The following LOC728392 variants were observed in gnomAD, a reference collection of about 807,000 sequenced individuals.
the LOC728392 span, chr17:5,500,783 C>G: frequency 2.6e-6 from 3 of 1,166,564 alleles, no homozygotes; most frequent in Non-Finnish European, 3.2e-6. The surrounding 1 kb of genome is among the most constrained non-coding windows in gnomAD (Gnocchi z 5.4). Flanking sequence ...GGCCCCCCTG[C>G]GCCCTCCCGC....
At chr17:5,500,794 C>T in the LOC728392 span, 6 of 1,157,344 alleles carry the variant, frequency 5.2e-6, no homozygotes, top group African/African-American at 8.5e-5. This position sits in a 1 kb window ranked among gnomAD's most constrained non-coding sequence, Gnocchi z 5.4. Flanking sequence ...GCCCTCCCGC[C>T]CGCGCGCCGA....
chr17:5,500,681 C>A, the LOC728392 span: 1 of 1,271,266 alleles, frequency 7.9e-7, no homozygotes, highest in Non-Finnish European at 1.0e-6. The surrounding 1 kb of genome is among the most constrained non-coding windows in gnomAD (Gnocchi z 5.4). Context: ...TGGAGAGGTG[C>A]GGAAAATGGT....
At chr17:5,500,294 C>A in the LOC728392 span, 3 of 1,000,704 alleles carry the variant, frequency 3.0e-6, no homozygotes, top group Admixed American at 6.1e-5. The surrounding 1 kb of genome is among the most constrained non-coding windows in gnomAD (Gnocchi z 5.4). Context: ...CGTGCCCCCA[C>A]GTCACAGAGT....
At chr17:5,500,733 G>C in the LOC728392 span, 19 of 1,240,004 alleles carry the variant, frequency 1.5e-5, no homozygotes, top group Non-Finnish European at 2.0e-5. This position sits in a 1 kb window ranked among gnomAD's most constrained non-coding sequence, Gnocchi z 5.4. Flanking sequence ...CTCCTTCTTG[G>C]GCGGGGGGCG....
At chr17:5,500,530 T>C in the LOC728392 span, 20 of 1,199,956 alleles carry the variant, frequency 1.7e-5, no homozygotes, top group African/African-American at 5.1e-5. The surrounding 1 kb of genome is among the most constrained non-coding windows in gnomAD (Gnocchi z 5.4). Context: ...AAACACAAAA[T>C]GCCGAGCCCC....
chr17:5,499,887 G>A, the LOC728392 span: 1 of 985,666 alleles, frequency 1.0e-6, no homozygotes, highest in South Asian at 4.7e-5. Context: ...CCAGGACGTG[G>A]TCTCCTGGTG....
the LOC728392 span, chr17:5,500,764 G>C: frequency 5.0e-6 from 6 of 1,204,444 alleles, no homozygotes; most frequent in East Asian, 4.9e-4. The surrounding 1 kb of genome is among the most constrained non-coding windows in gnomAD (Gnocchi z 5.4). Context: ...TTCGGGGGCT[G>C]CCCGGCGCGG....
the LOC728392 span, chr17:5,499,802 C>G: frequency 1.0e-6 from 1 of 986,066 alleles, no homozygotes; most frequent in Non-Finnish European, 1.2e-6. Flanking sequence ...GAGTCTCATC[C>G]TCAGGAGTGC....
the LOC728392 span, chr17:5,500,438 A>C: frequency 8.8e-7 from 1 of 1,135,152 alleles, no homozygotes; most frequent in Non-Finnish European, 1.1e-6. The surrounding 1 kb of genome is among the most constrained non-coding windows in gnomAD (Gnocchi z 5.4). Flanking sequence ...GTACTTTCGT[A>C]CTGATAGACA....
chr17:5,500,420 G>A, the LOC728392 span: 1 of 1,106,628 alleles, frequency 9.0e-7, no homozygotes, highest in Non-Finnish European at 1.1e-6. This position sits in a 1 kb window ranked among gnomAD's most constrained non-coding sequence, Gnocchi z 5.4. Flanking sequence ...ATTGCCGGCA[G>A]CTACTTTGTA....
chr17:5,499,830 G>T, the LOC728392 span: 1 of 985,950 alleles, frequency 1.0e-6, no homozygotes, highest in South Asian at 4.7e-5. Flanking sequence ...CTGGGCCTGC[G>T]TGCCGGCGGG....
chr17:5,500,758 G>C, the LOC728392 span: 1 of 1,218,486 alleles, frequency 8.2e-7, no homozygotes, highest in Non-Finnish European at 1.0e-6. The surrounding 1 kb of genome is among the most constrained non-coding windows in gnomAD (Gnocchi z 5.4). Context: ...GCGGCCTTCG[G>C]GGGCTGCCCG....
the LOC728392 span, chr17:5,500,436 G>C: frequency 8.8e-7 from 1 of 1,132,516 alleles, no homozygotes; most frequent in Non-Finnish European, 1.1e-6. The surrounding 1 kb of genome is among the most constrained non-coding windows in gnomAD (Gnocchi z 5.4). Flanking sequence ...TTGTACTTTC[G>C]TACTGATAGA....
chr17:5,500,207 G>T, the LOC728392 span: 1 of 989,546 alleles, frequency 1.0e-6, no homozygotes, highest in Non-Finnish European at 1.2e-6. This position sits in a 1 kb window ranked among gnomAD's most constrained non-coding sequence, Gnocchi z 5.4. Context: ...GCGGGTCTGG[G>T]TCTGGCTCAT....
the LOC728392 span, chr17:5,500,737 G>C: frequency 2.4e-6 from 3 of 1,239,214 alleles, no homozygotes; most frequent in South Asian, 4.2e-5. This position sits in a 1 kb window ranked among gnomAD's most constrained non-coding sequence, Gnocchi z 5.4. Context: ...TTCTTGGGCG[G>C]GGGGCGCGAT....
chr17:5,500,456 T>G, the LOC728392 span: 1 of 1,142,136 alleles, frequency 8.8e-7, no homozygotes, highest in Non-Finnish European at 1.1e-6. This position sits in a 1 kb window ranked among gnomAD's most constrained non-coding sequence, Gnocchi z 5.4. Context: ...ACAAAGATAG[T>G]GACAACAAAG....
At chr17:5,500,164 C>A in the LOC728392 span, 1 of 986,804 alleles carries the variant, frequency 1.0e-6, no homozygotes, top group Non-Finnish European at 1.2e-6. The surrounding 1 kb of genome is among the most constrained non-coding windows in gnomAD (Gnocchi z 5.4). Context: ...GCCAGGGCGC[C>A]GACCCTCCCT....
the LOC728392 span, chr17:5,499,687 C>G: frequency 2.4e-6 from 2 of 818,574 alleles, no homozygotes; most frequent in Non-Finnish European, 3.0e-6. Flanking sequence ...TCCCTCAGCC[C>G]CTTTTGTCTT....
At chr17:5,499,507 G>A in the LOC728392 span, 1 of 152,342 alleles carries the variant, frequency 6.6e-6, no homozygotes, top group Non-Finnish European at 1.5e-5. Flanking sequence ...TAAATAATAT[G>A]CAGGGTTAGA....
Sources: gnomAD v4.1 joint callset for allele counts on GRCh38, gnomAD v4.1.1 for gene constraint, Gnocchi (gnomAD v3.1) non-coding constraint, MANE v1.5 for transcripts.